The following HIPK3 variants were observed in gnomAD, a reference collection of about 807,000 sequenced individuals.
HIPK3 encodes the protein homeodomain-interacting protein kinase 3.
A neutral mutation model predicts 124.2 loss-of-function variants in HIPK3; 47 were observed. The ratio of observed to expected loss-of-function variants is 0.38; its 90% CI spans 0.30 to 0.48. The LOEUF is 0.48. HIPK3 is among the 20% of genes least tolerant of loss of function. HIPK3 has a pLI of 0.98. For missense variants in HIPK3, 1,286 were observed against 1,454.3 expected (o/e 0.88, Z 1.88); for synonymous variants, 482 against 515.2 (o/e 0.94, Z 0.87).
chr11:33,346,820 CAAG>C (rs1853507164), intron 8 of HIPK3, among the ~76,000 whole-genome samples: 1 of 152,086 alleles, frequency 6.6e-6, no homozygotes, highest in South Asian at 2.1e-4. Context: ...ACAAAGTAGA[CAAG>C]AAGTACCTCA....
chr11:33,290,048 A>G (rs1392843314), intron 2 of HIPK3, among the ~76,000 whole-genome samples: 1 of 152,106 alleles, frequency 6.6e-6, no homozygotes, highest in Non-Finnish European at 1.5e-5. Context: ...TTATCCATTC[A>G]TCTGTTGATG....
intron 2 of HIPK3, among the ~76,000 whole-genome samples, chr11:33,321,217 G>A (rs1303057092): frequency 1.3e-5 from 2 of 152,162 alleles, no homozygotes; most frequent in African/African-American, 4.8e-5. Flanking sequence ...AGGACGTAGC[G>A]AATGCAGTGG....
At chr11:33,348,846 G>A (rs779497954) in intron 13 of HIPK3, 28 bp downstream of exon 13, 2 of 1,586,216 alleles carry the variant, frequency 1.3e-6, no homozygotes, top group East Asian at 2.2e-5. Flanking sequence ...CATCCTCAAA[G>A]GATATAGATG....
intron 6 of HIPK3, 59 bp from the exon 7 acceptor site, chr11:33,340,909 T>C: frequency 9.4e-7 from 1 of 1,065,636 alleles, no homozygotes; most frequent in Non-Finnish European, 1.3e-6. Flanking sequence ...TCAATGTACC[T>C]CAATTTAAAA....
chr11:33,310,347 C>T (rs1852298649), intron 2 of HIPK3, among the ~76,000 whole-genome samples: 1 of 139,432 alleles, frequency 7.2e-6, no homozygotes, highest in Admixed American at 7.2e-5. Context: ...GCTGTGTCAC[C>T]CAGGCTGGCG....
intron 2 of HIPK3, among the ~76,000 whole-genome samples, chr11:33,324,425 A>T (rs563905508): frequency 6.6e-6 from 1 of 152,224 alleles, no homozygotes; most frequent in South Asian, 2.1e-4. Context: ...TTTGTAGGGG[A>T]CTTAGTGAAG....
chr11:33,310,265 TGTCTGTCTGTC>T (rs1481990235), intron 2 of HIPK3, among the ~76,000 whole-genome samples: 20 of 75,996 alleles, frequency 2.6e-4, no homozygotes, highest in Non-Finnish European at 4.6e-4. Context: ...TCTGTCTGTC[TGTCTGTCTGTC>T]TATCTTATCT....
In HIPK3 at chr11:33,293,352, C is replaced by A. The variant is rs113782098; in HGVS notation, c.1097+5841C>A. Among the ~76,000 whole-genome samples the A allele has an allele frequency of 7.0e-3, 1,073 of 152,218 alleles. 10 individuals are homozygous for A. The highest frequency in any genetic ancestry group is 0.022 in the South Asian group (104 of 4,824). Reference sequence around the variant, plus strand: ...ATTTTTTTGGCCAAATTATTTCTCACCTGACACAATTTTTGAATATTTACA... The same window carrying A: ...ATTTTTTTGGCCAAATTATTTCTCAACTGACACAATTTTTGAATATTTACA... On this transcript the variant is annotated intron_variant, in intron 2 of 16. Coordinates refer to ENST00000303296, the MANE Select transcript of HIPK3 (RefSeq NM_005734.5).
At chr11:33,328,404 A>G in intron 2 of HIPK3, 106 bp from the exon 3 acceptor site, 1 of 1,078,892 alleles carries the variant, frequency 9.3e-7, no homozygotes, top group Non-Finnish European at 1.4e-6. Flanking sequence ...TCCTATACAT[A>G]GAATGTGATA....
chr11:33,289,000 C>A (rs1229852021), intron 2 of HIPK3, among the ~76,000 whole-genome samples: 1 of 152,208 alleles, frequency 6.6e-6, no homozygotes, highest in African/African-American at 2.4e-5. Context: ...ACCTGATTAC[C>A]CTTCTTGCAA....
intron 1 of HIPK3, among the ~76,000 whole-genome samples, chr11:33,277,103 C>T (rs548197152): frequency 5.3e-5 from 8 of 152,196 alleles, no homozygotes; most frequent in African/African-American, 1.7e-4. Context: ...AATGTAAACC[C>T]AGGCTATGAA....
chr11:33,353,278 C>T lies in HIPK3; in HGVS notation c.3358C>T (p.Pro1120Ser), dbSNP rs1490253554. 1.9e-6 allele frequency: 3 copies of T among 1,614,068 alleles called. No individual in the cohort carries two copies. Among genetic ancestry groups the T allele is most frequent in the Non-Finnish European group, 2.5e-6 (3 of 1,180,034 alleles). The change falls in exon 17 of 17, where the codon CCA becomes TCA. Residue 1120 changes from proline (P) to serine (S), a missense_variant. This residue lies in a region of HIPK3 where 810 missense variants were observed against 864.9 expected (regional missense o/e 0.94). Coordinates refer to ENST00000303296, the MANE Select transcript of HIPK3 (RefSeq NM_005734.5). ...THLGGQPTLL[P>S]YPSSATLSSA... ...CCTCGGAGGACAGCCTACTCTACTTCCATACCCATCATCAGCCACCCTCAG... is the reference window on the plus strand; with the variant it reads ...CCTCGGAGGACAGCCTACTCTACTTTCATACCCATCATCAGCCACCCTCAG...
chr11:33,303,775 G>A (rs1232586127), intron 2 of HIPK3, among the ~76,000 whole-genome samples: 1 of 152,108 alleles, frequency 6.6e-6, no homozygotes, highest in East Asian at 1.9e-4. Flanking sequence ...GGCATCAGCT[G>A]GTGTGGCAAG....
intron 1 of HIPK3, among the ~76,000 whole-genome samples, chr11:33,263,996 TA>T (rs1201944022): frequency 1.2e-4 from 19 of 152,330 alleles, no homozygotes; most frequent in Admixed American, 5.2e-4. Context: ...CTGGAGATCT[TA>T]AAAAATAAAA....
intron 1 of HIPK3, among the ~76,000 whole-genome samples, chr11:33,273,512 C>CAAAAAAA (rs398015727): frequency 2.1e-4 from 10 of 48,034 alleles, no homozygotes; most frequent in Admixed American, 6.3e-4. Context: ...TCTGTCTCCA[C>CAAAAAAA]AAAAAAAAAA....
intron 2 of HIPK3, among the ~76,000 whole-genome samples, chr11:33,304,155 G>T (rs762331143): frequency 2.0e-5 from 3 of 152,058 alleles, no homozygotes; most frequent in Admixed American, 1.3e-4. Context: ...TGGCTAGGAT[G>T]GTCTCCATCT....
chr11:33,328,431 A>T, intron 2 of HIPK3, 79 bp from the exon 3 acceptor site: 1 of 1,421,006 alleles, frequency 7.0e-7, no homozygotes, highest in Non-Finnish European at 9.8e-7. Context: ...TCATTTTACC[A>T]ACTTCCTAGA....
At chr11:33,285,176 G>A (rs1851514335) in intron 1 of HIPK3, among the ~76,000 whole-genome samples, 2 of 152,086 alleles carry the variant, frequency 1.3e-5, no homozygotes, top group South Asian at 4.1e-4. Flanking sequence ...GGCTATTTCA[G>A]CCTCAATAAA....
intron 1 of HIPK3, among the ~76,000 whole-genome samples, chr11:33,264,529 C>T (rs1184364095): frequency 6.6e-6 from 1 of 152,060 alleles, no homozygotes; most frequent in Non-Finnish European, 1.5e-5. Context: ...AGGCGAGCTC[C>T]TCACCCTAAA....
Sources: gnomAD v4.1 joint callset for allele counts (sites outside exome capture counted in the v4.1 genomes callset) on GRCh38, gnomAD v4.1.1 for gene constraint, gnomAD v4.1.1 regional missense constraint, MANE v1.5 for transcripts, NCBI Gene and HGNC (gene_info 2026-07-23, HGNC 2026-07-21) for gene names.